Variants in RPS6KC1 observed in about 807,000 individuals in gnomAD.
RPS6KC1 encodes inactive ribosomal protein S6 kinase delta-1.
A neutral mutation model predicts 103.8 loss-of-function variants in RPS6KC1; 54 were observed. The observed-to-expected ratio is 0.52, with a 90% CI of 0.42 to 0.65. The LOEUF (loss-of-function observed/expected upper bound fraction) is 0.65, where lower values mean the gene tolerates loss of function less well. Ranked by LOEUF, RPS6KC1 falls within the 30% of genes least tolerant of loss-of-function variation. RPS6KC1 has a pLI of 0.00. For synonymous variants in RPS6KC1, 439 were observed against 438.7 expected, an observed-to-expected ratio of 1.00 and a Z score of -0.01; for missense variants, 1,151 against 1,253.8, an observed-to-expected ratio of 0.92 and a Z score of 1.24.
chr1:213,115,538 T>A (rs916515404), intron 4 of RPS6KC1, among the ~76,000 whole-genome samples: 2 of 152,218 alleles, frequency 1.3e-5, no homozygotes, highest in African/African-American at 4.8e-5. Context: ...AAGGGTTTTT[T>A]GTATCTCTAT....
the RPS6KC1 span, among the ~76,000 whole-genome samples, chr1:213,602,734 T>C: frequency 5.9e-5 from 9 of 152,240 alleles, no homozygotes; most frequent in African/African-American, 2.2e-4. Context: ...TACCCATTTC[T>C]TAGCCAGAGG....
At chr1:213,498,533 C>T in the RPS6KC1 span, among the ~76,000 whole-genome samples, 2 of 152,018 alleles carry the variant, frequency 1.3e-5, no homozygotes, top group African/African-American at 2.4e-5. Flanking sequence ...TGGCTCACTG[C>T]AAGCTCTGCC....
At chr1:213,764,085 G>A in the RPS6KC1 span, among the ~76,000 whole-genome samples, 1 of 152,264 alleles carries the variant, frequency 6.6e-6, no homozygotes, top group East Asian at 1.9e-4. Flanking sequence ...TCCCCTAATT[G>A]AAGTGAACAT....
chr1:213,700,090 G>A, the RPS6KC1 span, among the ~76,000 whole-genome samples: 3 of 151,544 alleles, frequency 2.0e-5, no homozygotes, highest in African/African-American at 7.3e-5. Context: ...TTGGTTGCTT[G>A]AGCTTGTAGG....
At chr1:213,774,883 G>A in the RPS6KC1 span, among the ~76,000 whole-genome samples, 1,811 of 152,316 alleles carry the variant, frequency 0.012, 14 homozygotes, top group South Asian at 0.028. Flanking sequence ...GAGGCAGCCC[G>A]CACTCCATGT....
At chr1:213,450,882 G>A in the RPS6KC1 span, among the ~76,000 whole-genome samples, 1 of 152,138 alleles carries the variant, frequency 6.6e-6, no homozygotes, top group African/African-American at 2.4e-5. Flanking sequence ...GGCTGAGGCA[G>A]GAGAATTGCT....
At chr1:213,530,494 T>C in the RPS6KC1 span, among the ~76,000 whole-genome samples, 2 of 151,626 alleles carry the variant, frequency 1.3e-5, no homozygotes, top group South Asian at 4.2e-4. Context: ...CCTCCACTGA[T>C]GTAGCTCTAG....
Position 213,154,570 on chromosome 1 carries a change from G to A in RPS6KC1, c.836-13288G>A, listed in dbSNP as rs555973747. 8.3e-4 allele frequency among the ~76,000 whole-genome samples: 127 copies of A among 152,314 alleles called. 1 individual carries two copies. The South Asian group carries it at 0.01, about 12-fold the overall frequency. The stretch of plus-strand genomic sequence containing the variant: ...ATAGGACTACTGCCAGAATACTGCT[G>A]GCATTCTCTTAAGTCCCAGGATCTC... On this transcript the variant is annotated intron_variant, in intron 6 of 14. Coordinates refer to ENST00000366960, the MANE Select transcript of RPS6KC1 (RefSeq NM_012424.6).
chr1:213,482,686 C>T, the RPS6KC1 span, among the ~76,000 whole-genome samples: 52,018 of 150,710 alleles, frequency 0.35, 10,100 homozygotes, highest in East Asian at 0.6. Flanking sequence ...GTAGCTGGGA[C>T]TACAGGCATG....
downstream of RPS6KC1, among the ~76,000 whole-genome samples, chr1:213,275,118 G>A (rs1352225407): frequency 6.6e-6 from 1 of 152,174 alleles, no homozygotes; most frequent in African/African-American, 2.4e-5. Context: ...GTTCGTCCAT[G>A]CTGTAGCATT....
rs1188127353 is a variant in RPS6KC1, at chr1:213,187,208, G to T, written c.1044+10716G>T. On this transcript the variant is annotated intron_variant, in intron 8 of 14. Coordinates refer to ENST00000366960, the MANE Select transcript of RPS6KC1 (RefSeq NM_012424.6). ...GCCTAGCCTCTGTTTGATTTTAAAA[G>T]ATTATTTCAGTTTCTTTTTTTTAAA... is the stretch of plus-strand genomic sequence containing the variant. Among the ~76,000 whole-genome samples, 6 of 150,470 alleles carry T rather than the reference G, an allele frequency of 4.0e-5. No homozygotes were observed. In the East Asian group the frequency reaches 9.7e-4, roughly 24 times the overall value.
chr1:213,158,749 T>C (rs1367756311), intron 6 of RPS6KC1, among the ~76,000 whole-genome samples: 2 of 152,198 alleles, frequency 1.3e-5, no homozygotes, highest in African/African-American at 2.4e-5. Flanking sequence ...GTTTTTTCTG[T>C]GCTAAAATTA....
chr1:213,515,912 G>A, the RPS6KC1 span, among the ~76,000 whole-genome samples: 3 of 151,324 alleles, frequency 2.0e-5, no homozygotes, highest in Non-Finnish European at 4.4e-5. Context: ...TCATTGAGCA[G>A]TGGTTTGTAG....
the RPS6KC1 span, among the ~76,000 whole-genome samples, chr1:213,765,218 G>GT: frequency 3.9e-5 from 6 of 152,186 alleles, no homozygotes; most frequent in Non-Finnish European, 7.3e-5. Flanking sequence ...GGCGGTGACT[G>GT]TTTTTTCTCC....
the RPS6KC1 span, among the ~76,000 whole-genome samples, chr1:213,363,119 G>C: frequency 6.6e-6 from 1 of 152,108 alleles, no homozygotes; most frequent in South Asian, 2.1e-4. Flanking sequence ...TCCTGCTCTA[G>C]GACTAACAAT....
chr1:213,596,265 G>T, the RPS6KC1 span, among the ~76,000 whole-genome samples: 1 of 152,158 alleles, frequency 6.6e-6, no homozygotes, highest in Non-Finnish European at 1.5e-5. Context: ...GTGATACCTT[G>T]GGGCTATGCC....
intron 6 of RPS6KC1, among the ~76,000 whole-genome samples, chr1:213,131,551 C>G (rs997463878): frequency 1.3e-5 from 2 of 151,964 alleles, no homozygotes; most frequent in Non-Finnish European, 1.5e-5. Flanking sequence ...TCAAGTGATT[C>G]TCCTGCCTCA....
chr1:213,281,150 G>A, the RPS6KC1 span, among the ~76,000 whole-genome samples: 1 of 152,160 alleles, frequency 6.6e-6, no homozygotes, highest in East Asian at 1.9e-4. Flanking sequence ...CCTCCAGCTG[G>A]TAAATGACCT....
At chr1:213,529,611 T>C in the RPS6KC1 span, among the ~76,000 whole-genome samples, 1 of 152,186 alleles carries the variant, frequency 6.6e-6, no homozygotes, top group South Asian at 2.1e-4. Flanking sequence ...TGCAATGGAA[T>C]AGCACTTTTA....
Sources: gnomAD v4.1 joint callset for allele counts (sites outside exome capture counted in the v4.1 genomes callset) on GRCh38, gnomAD v4.1.1 for gene constraint, MANE v1.5 for transcripts, NCBI Gene and HGNC (gene_info 2026-07-23, HGNC 2026-07-21) for gene names.